Variants in UBE2E2 observed in about 807,000 individuals in gnomAD.
The protein encoded by UBE2E2 is ubiquitin-conjugating enzyme E2 E2.
A neutral mutation model predicts 24.7 loss-of-function variants in UBE2E2; 6 were observed. The observed-to-expected ratio is 0.24, with a 90% CI of 0.13 to 0.48. The LOEUF (loss-of-function observed/expected upper bound fraction) is 0.48. UBE2E2 is among the 20% of genes least tolerant of loss of function. The probability of loss-of-function intolerance (pLI) is 0.99; values close to 1 mark genes in which losing one functional copy is unlikely to be tolerated. For missense variants in UBE2E2, 169 were observed against 245.0 expected (o/e 0.69, Z 2.07); for synonymous variants, 104 against 83.6 (o/e 1.24, Z -1.33).
chr3:23,296,851 A>G lies in UBE2E2; in HGVS notation c.227+79539A>G, dbSNP rs1220754542. 2.0e-5 allele frequency among the ~76,000 whole-genome samples: 3 copies of G among 152,182 alleles called. No homozygotes were observed. The East Asian group carries it at 5.8e-4, about 29-fold the overall frequency. ...TAATGGGATGGCTGGGTCAAATGGT[A>G]TTTCTAGTTCTAGATCCCTGAGGAG... On this transcript the variant is annotated intron_variant, in intron 3 of 5. Coordinates refer to ENST00000396703, the MANE Select transcript of UBE2E2 (RefSeq NM_152653.4).
Position 23,203,370 on chromosome 3 carries a change from G to A in UBE2E2, c.-103G>A. On this transcript the variant is annotated 5_prime_UTR_variant, in exon 1 of 6. Coordinates refer to ENST00000396703, the MANE Select transcript of UBE2E2 (RefSeq NM_152653.4). ...GGTCCGCAGGGGACATCCCGTCCCT[G>A]GGGCCTCCCCAGTCTCCCTCCCCCT... 1 of 985,796 alleles carries A rather than the reference G, an allele frequency of 1.0e-6. No individual in the cohort carries two copies. The highest frequency in any genetic ancestry group is 1.2e-6 in the Non-Finnish European group (1 of 830,308). The allele number at this position is 985,796 out of a possible 1,614,324, so 61.1% of individuals were successfully genotyped here. A position where few individuals can be genotyped will look rare whatever the true frequency, so the allele number is the denominator to read the frequency against.
chr3:23,284,166 A>G (rs981067297), intron 3 of UBE2E2, among the ~76,000 whole-genome samples: 1 of 152,044 alleles, frequency 6.6e-6, no homozygotes, highest in African/African-American at 2.4e-5. Context: ...TTGTCTCCCT[A>G]TAATCTATAA....
intron 3 of UBE2E2, among the ~76,000 whole-genome samples, chr3:23,483,374 A>G (rs1012550690): frequency 8.5e-5 from 13 of 152,390 alleles, no homozygotes; most frequent in Admixed American, 8.5e-4. Context: ...TCTTTGCCAG[A>G]CACTACATTT....
rs1193004131 is a variant in UBE2E2, at chr3:23,310,398, C to G, written c.227+93086C>G. Among the ~76,000 whole-genome samples, 7 of 150,736 alleles carry G rather than the reference C, an allele frequency of 4.6e-5. 1 individual carries two copies. In the South Asian group the frequency reaches 1.3e-3, roughly 27 times the overall value. On this transcript the variant is annotated intron_variant, in intron 3 of 5. Coordinates refer to ENST00000396703, the MANE Select transcript of UBE2E2 (RefSeq NM_152653.4). ...TTCAGAAGATTTATAATCAGACTGA[C>G]TAAACACATCTCCAAACCTTCTAAT...
At chr3:23,217,683 T>C (rs562205520) in intron 3 of UBE2E2, among the ~76,000 whole-genome samples, 10 of 152,124 alleles carry the variant, frequency 6.6e-5, no homozygotes, top group Admixed American at 2.0e-4. Flanking sequence ...TATTGTTATC[T>C]TGTTGGAATT....
At chr3:23,333,540 A>T (rs1205729521) in intron 3 of UBE2E2, among the ~76,000 whole-genome samples, 2 of 152,148 alleles carry the variant, frequency 1.3e-5, no homozygotes, top group Non-Finnish European at 2.9e-5. Flanking sequence ...ATTGCCTGCC[A>T]TGCCTATTTG....
At chr3:23,354,139 G>T (rs1029805197) in intron 3 of UBE2E2, among the ~76,000 whole-genome samples, 1 of 152,018 alleles carries the variant, frequency 6.6e-6, no homozygotes, top group African/African-American at 2.4e-5. Flanking sequence ...AATGGGGAAA[G>T]GATTCCCTAT....
intron 3 of UBE2E2, among the ~76,000 whole-genome samples, chr3:23,264,035 T>A (rs1697974441): frequency 6.6e-6 from 1 of 152,176 alleles, no homozygotes; most frequent in East Asian, 1.9e-4. Context: ...ATGAGTCGGG[T>A]ACATGATCTT....
chr3:23,505,228 G>C (rs1015924738), intron 4 of UBE2E2, among the ~76,000 whole-genome samples: 5 of 151,894 alleles, frequency 3.3e-5, no homozygotes, highest in African/African-American at 1.2e-4. Flanking sequence ...GCCTGTGTTA[G>C]AAATTATAAT....
chr3:23,346,576 G>C (rs893924716), intron 3 of UBE2E2, among the ~76,000 whole-genome samples: 5 of 152,202 alleles, frequency 3.3e-5, no homozygotes, highest in African/African-American at 9.6e-5. Flanking sequence ...TTTCACTAAA[G>C]ACTGTGTAAT....
chr3:23,432,742 A>G (rs1424690269), intron 3 of UBE2E2, among the ~76,000 whole-genome samples: 1 of 151,968 alleles, frequency 6.6e-6, no homozygotes, highest in African/African-American at 2.4e-5. Flanking sequence ...AGCCATATAG[A>G]GATGTATTTA....
intron 3 of UBE2E2, among the ~76,000 whole-genome samples, chr3:23,299,038 T>A (rs1698997382): frequency 6.6e-6 from 1 of 152,242 alleles, no homozygotes; most frequent in African/African-American, 2.4e-5. Context: ...TGTCAGGGAA[T>A]TAATCCATTT....
intron 4 of UBE2E2, among the ~76,000 whole-genome samples, chr3:23,516,554 G>A (rs993520624): frequency 1.1e-4 from 16 of 152,066 alleles, no homozygotes; most frequent in African/African-American, 3.6e-4. Flanking sequence ...ACAGTGTTTA[G>A]AAAATACTAT....
chr3:23,428,554 A>G lies in UBE2E2; in HGVS notation c.228-71054A>G, dbSNP rs566104168. On this transcript the variant is annotated intron_variant, in intron 3 of 5. Coordinates refer to ENST00000396703, the MANE Select transcript of UBE2E2 (RefSeq NM_152653.4). ...AAGAAATTTAAGAATTAGTGTATAT[A>G]TTAATGAAATAGGAAACAGGAAATC... 1.2e-4 allele frequency among the ~76,000 whole-genome samples: 18 copies of G among 152,284 alleles called. No individual in the cohort carries two copies. The South Asian group carries it at 3.1e-3, about 26-fold the overall frequency.
chr3:23,240,360 T>C (rs894400747), intron 3 of UBE2E2, among the ~76,000 whole-genome samples: 5 of 152,246 alleles, frequency 3.3e-5, no homozygotes, highest in Non-Finnish European at 7.3e-5. Flanking sequence ...TTTTCCTATG[T>C]GGTAAATTGT....
At chr3:23,540,970 T>C (rs1477592039) in intron 5 of UBE2E2, among the ~76,000 whole-genome samples, 4 of 152,220 alleles carry the variant, frequency 2.6e-5, no homozygotes, top group Non-Finnish European at 5.9e-5. Flanking sequence ...TTAAACAGCA[T>C]GTTTAAACAA....
At chr3:23,536,379 T>C (rs1303024192) in intron 5 of UBE2E2, among the ~76,000 whole-genome samples, 1 of 152,244 alleles carries the variant, frequency 6.6e-6, no homozygotes, top group Non-Finnish European at 1.5e-5. Flanking sequence ...CTTTTTTTCC[T>C]TCTTGAGACG....
intron 3 of UBE2E2, among the ~76,000 whole-genome samples, chr3:23,285,057 C>A (rs1698584857): frequency 6.6e-6 from 1 of 151,930 alleles, no homozygotes; most frequent in Non-Finnish European, 1.5e-5. Context: ...TGGTAACCAT[C>A]TTTCTACGCT....
At chr3:23,580,112 T>C (rs937944496) in intron 5 of UBE2E2, among the ~76,000 whole-genome samples, 1 of 152,288 alleles carries the variant, frequency 6.6e-6, no homozygotes, top group South Asian at 2.1e-4. Flanking sequence ...TGGTGAAGAT[T>C]GTTTGAACAC....
Sources: allele counts gnomAD v4.1 joint callset (sites outside exome capture counted in the v4.1 genomes callset), GRCh38; gene constraint gnomAD v4.1.1; transcripts MANE v1.5; gene names NCBI Gene and HGNC (gene_info 2026-07-23, HGNC 2026-07-21).